Variants in ANXA13 observed in about 807,000 individuals in gnomAD.
ANXA13 encodes the protein annexin XIII.
Under a neutral mutation model 46.6 loss-of-function variants are expected in ANXA13, and 36 were observed. The ratio of observed to expected loss-of-function variants is 0.77; its 90% CI spans 0.59 to 1.02. ANXA13 has a LOEUF of 1.02. Among genes scored for constraint, ANXA13 ranks in the 50% least tolerant of loss-of-function variants. The pLI is 0.00. For synonymous variants in ANXA13, 163 were observed against 152.9 expected, an observed-to-expected ratio of 1.07 and a Z score of -0.49; for missense variants, 417 against 396.5, an observed-to-expected ratio of 1.05 and a Z score of -0.44.
At chr8:123,736,918 G>A (rs1033792531) in intron 1 of ANXA13, among the ~76,000 whole-genome samples, 1 of 138,166 alleles carries the variant, frequency 7.2e-6, no homozygotes, top group South Asian at 2.3e-4. Context: ...GTGCAATCTC[G>A]GCTTATTGCA....
intron 2 of ANXA13, 71 bp downstream of exon 2, chr8:123,712,607 T>C: frequency 7.7e-7 from 1 of 1,293,276 alleles, no homozygotes. Flanking sequence ...CCTAACATCA[T>C]GGGGAAGTTG....
Position 123,700,279 on chromosome 8 carries a change from C to T in ANXA13, c.187-1720G>A, listed in dbSNP as rs186987807. Among the ~76,000 whole-genome samples, 4 of 152,314 alleles carry T rather than the reference C, an allele frequency of 2.6e-5. No homozygotes were observed. In the East Asian group the frequency reaches 7.7e-4, roughly 29 times the overall value. On this transcript the variant is annotated intron_variant, in intron 3 of 10. Transcript: ENST00000419625. Reference sequence around the variant, plus strand: ...AAGCTGCAGAGAAGAAAAATCCCAGCTTCCCACTCTTACAAGCCACAGGCA... The same window carrying T: ...AAGCTGCAGAGAAGAAAAATCCCAGTTTCCCACTCTTACAAGCCACAGGCA...
chr8:123,712,578 G>T, intron 2 of ANXA13, 100 bp downstream of exon 2: 2 of 1,048,092 alleles, frequency 1.9e-6, no homozygotes, highest in Non-Finnish European at 1.5e-6. Flanking sequence ...GAATACACAA[G>T]ATAGTGAGAT....
intron 1 of ANXA13, among the ~76,000 whole-genome samples, chr8:123,719,314 T>C (rs1201837546): frequency 2.0e-5 from 3 of 152,178 alleles, no homozygotes; most frequent in Admixed American, 2.0e-4. Context: ...TTTTTCCCTC[T>C]CTTTCTCTTT....
At chr8:123,686,199 A>G (rs1397130598) in intron 9 of ANXA13, among the ~76,000 whole-genome samples, 23 of 152,156 alleles carry the variant, frequency 1.5e-4, no homozygotes. Flanking sequence ...GCAGCCAGGC[A>G]TGGTGGCTCA....
intron 2 of ANXA13, among the ~76,000 whole-genome samples, chr8:123,706,318 C>T (rs1317790578): frequency 6.6e-6 from 1 of 152,236 alleles, no homozygotes; most frequent in African/African-American, 2.4e-5. Flanking sequence ...TCTCTTGAGC[C>T]TACCTCTTTC....
At chr8:123,700,408 G>A (rs1367828) in intron 3 of ANXA13, among the ~76,000 whole-genome samples, 57,946 of 152,062 alleles carry the variant, frequency 0.38, 11,422 homozygotes, top group South Asian at 0.51. Flanking sequence ...TTACCACGGG[G>A]TGGTTATTCT....
At chr8:123,683,582 A>AC (rs1813081834) in intron 10 of ANXA13, among the ~76,000 whole-genome samples, 1 of 114,502 alleles carries the variant, frequency 8.7e-6, no homozygotes, top group East Asian at 2.3e-4. Flanking sequence ...GTTAGCTGTG[A>AC]CCTTTTTTTT....
intron 9 of ANXA13, among the ~76,000 whole-genome samples, chr8:123,685,915 A>T (rs1813132803): frequency 6.6e-6 from 1 of 152,204 alleles, no homozygotes; most frequent in Admixed American, 6.5e-5. Context: ...ATTTGAGCTA[A>T]TGAGCACCAC....
At chr8:123,719,237 G>C (rs543239790) in intron 1 of ANXA13, among the ~76,000 whole-genome samples, 1 of 152,226 alleles carries the variant, frequency 6.6e-6, no homozygotes, top group Non-Finnish European at 1.5e-5. Flanking sequence ...AATAAGAATA[G>C]ATTGTTTCAT....
chr8:123,729,087 CCTTA>C (rs1384059120), intron 1 of ANXA13: 2 of 152,076 alleles, frequency 1.3e-5, no homozygotes, highest in Non-Finnish European at 1.5e-5. Flanking sequence ...ATAAGGCCAA[CCTTA>C]CTTACTATGA....
At chr8:123,695,383 A>G in intron 6 of ANXA13, 119 bp downstream of exon 6, 1 of 773,790 alleles carries the variant, frequency 1.3e-6, no homozygotes, top group Non-Finnish European at 2.2e-6. Flanking sequence ...TAATCCCTTG[A>G]TAATATTTTT....
At chr8:123,698,115 C>A (rs1054370970) in intron 4 of ANXA13, among the ~76,000 whole-genome samples, 4 of 152,196 alleles carry the variant, frequency 2.6e-5, no homozygotes, top group African/African-American at 9.7e-5. Flanking sequence ...TAGAATTGTG[C>A]CTCCTGCTTA....
chr8:123,735,738 G>T, intron 1 of ANXA13: 1 of 1,604,700 alleles, frequency 6.2e-7, no homozygotes. Flanking sequence ...GATTTGGGGG[G>T]AAAATAAAGT....
At chr8:123,730,510 C>A (rs369874502) in intron 1 of ANXA13, among the ~76,000 whole-genome samples, 1 of 152,236 alleles carries the variant, frequency 6.6e-6, no homozygotes. Context: ...TCCTTAGTGT[C>A]GTAGGTTGAA....
chr8:123,684,569 A>G, intron 10 of ANXA13, 41 bp downstream of exon 10: 1 of 1,372,852 alleles, frequency 7.3e-7, no homozygotes, highest in East Asian at 2.3e-5. Flanking sequence ...TGGAAAAAAG[A>G]GAAGTTGCAG....
At position 123,702,677 on chromosome 8, in the gene ANXA13, G is replaced by A. The variant is rs1293002738; in HGVS notation, c.151C>T (p.Gln51Ter). The change falls in exon 3 of 11, where the codon CAA becomes TAA. Residue 51 changes from glutamine (Q) to a stop codon, truncating the protein, a stop_gained. Coordinates refer to ENST00000419625, the MANE Select transcript of ANXA13 (RefSeq NM_004306.4). LOFTEE classifies it high-confidence loss of function. ...GTTGCCTTGTACTTTTGCTTGATTT[G>A]TTGCCTCTCATCTGATGTCCTGCCC... ...LSGRTSDERQ[Q>*]IKQKYKATYG... The A allele has an allele frequency of 1.2e-6, 2 of 1,614,028 alleles. No homozygotes were observed. Among genetic ancestry groups the A allele is most frequent in the Admixed American group, 1.7e-5 (1 of 60,006 alleles).
At chr8:123,709,548 A>T (rs1211880108) in intron 2 of ANXA13, among the ~76,000 whole-genome samples, 1 of 152,146 alleles carries the variant, frequency 6.6e-6, no homozygotes, top group Non-Finnish European at 1.5e-5. Flanking sequence ...TTTTGCAATC[A>T]GACCTTGGCA....
chr8:123,724,786 C>T (rs1006559198), intron 1 of ANXA13, among the ~76,000 whole-genome samples: 1 of 152,224 alleles, frequency 6.6e-6, no homozygotes, highest in Non-Finnish European at 1.5e-5. Flanking sequence ...GGATCTTTCA[C>T]ACTCGTCTAA....
Sources: gnomAD v4.1 joint callset for allele counts (sites outside exome capture counted in the v4.1 genomes callset) on GRCh38, gnomAD v4.1.1 for gene constraint, MANE v1.5 for transcripts, NCBI Gene and HGNC (gene_info 2026-07-23, HGNC 2026-07-21) for gene names.